The following TBC1D9B variants were observed in gnomAD, a reference collection of about 807,000 sequenced individuals.
TBC1D9B encodes TBC1 domain family, member 9B (with GRAM domain).
Under a neutral mutation model 121.1 loss-of-function variants are expected in TBC1D9B, and 87 were observed. The ratio of observed to expected loss-of-function variants is 0.72; its 90% confidence interval spans 0.60 to 0.86. The LOEUF (loss-of-function observed/expected upper bound fraction) is 0.86, where lower values mean the gene tolerates loss of function less well. Ranked by LOEUF, TBC1D9B falls within the 40% of genes least tolerant of loss-of-function variation. TBC1D9B has a pLI of 0.00. For synonymous variants in TBC1D9B, 668 were observed against 670.1 expected (o/e 1.00, Z 0.05); for missense variants, 1,540 against 1,628.6 (o/e 0.95, Z 0.94).
rs1253779887 is a variant in TBC1D9B, at chr5:179,874,774, C to T, written c.2186+128G>A. 7 of 1,371,566 alleles carry T rather than the reference C, an allele frequency of 5.1e-6. No homozygotes were observed. In the African/African-American group the frequency reaches 8.7e-5, roughly 17 times the overall value. 85.0% of individuals were successfully genotyped at this position (1,371,566 alleles called of 1,614,324 possible). A position where few individuals can be genotyped will look rare whatever the true frequency, so the allele number is the denominator to read the frequency against. ...AAGGAGCCGCCTCCTGACCCCAGAG[C>T]ACCCCCGGGTCCAGCTGCAGCCTGG... On this transcript the variant is annotated intron_variant, in intron 12 of 20. Transcript: ENST00000355235. The surrounding 1 kb of genome is among the most constrained non-coding windows in gnomAD (Gnocchi z 4.3).
rs1452624156 is a variant in TBC1D9B, at chr5:179,907,391, C to T, written c.118+313G>A. Among the ~76,000 whole-genome samples the T allele has an allele frequency of 6.6e-6, 1 of 151,884 alleles. No individual in the cohort carries two copies. The highest frequency in any genetic ancestry group is 6.5e-5 in the Admixed American group (1 of 15,268). On this transcript the variant is annotated intron_variant, in intron 1 of 20. Transcript: ENST00000355235. The surrounding 1 kb of genome is among the most constrained non-coding windows in gnomAD (Gnocchi z 5.3). ...GTGAGATCCCGGGAAGCTGCACGGC[C>T]CCCGGGGCTCGCGGGCGCCGAATCC...
chr5:179,906,901 C>G (rs1406987519), intron 1 of TBC1D9B, among the ~76,000 whole-genome samples: 1 of 152,258 alleles, frequency 6.6e-6, no homozygotes, highest in African/African-American at 2.4e-5. Flanking sequence ...AGGCACTGAG[C>G]CCGAGCCAGC....
In TBC1D9B at chr5:179,896,062, C is replaced by T. The variant is rs141130157; in HGVS notation, c.349-1448G>A. Among the ~76,000 whole-genome samples, 5 of 144,200 alleles carry T rather than the reference C, an allele frequency of 3.5e-5. No individual in the cohort carries two copies. In the East Asian group the frequency reaches 1.2e-3, roughly 34 times the overall value. 94.6% of individuals were successfully genotyped at this position (144,200 alleles called of 152,430 possible). ...CATCTGCAAACAAACCTTACTCCAT[C>T]GGTTTCATCCCACGTATTTATCTTC... On this transcript the variant is annotated intron_variant, in intron 3 of 20. Coordinates refer to ENST00000355235, the MANE Select transcript of TBC1D9B (RefSeq NM_015043.4).
intron 7 of TBC1D9B, among the ~76,000 whole-genome samples, chr5:179,883,217 G>A (rs1243661050): frequency 1.3e-5 from 2 of 152,076 alleles, no homozygotes; most frequent in Admixed American, 6.6e-5. Context: ...TGTCAATATC[G>A]ACTATTTTGT....
chr5:179,882,624 A>G (rs1760572404), intron 7 of TBC1D9B, among the ~76,000 whole-genome samples: 1 of 152,100 alleles, frequency 6.6e-6, no homozygotes, highest in Non-Finnish European at 1.5e-5. Context: ...CAGGTGGATC[A>G]CCCTAGGTCA....
chr5:179,907,652 C>T lies in TBC1D9B; in HGVS notation c.118+52G>A, dbSNP rs1761363116. 13 of 934,268 alleles carry T rather than the reference C, an allele frequency of 1.4e-5. 1 individual carries two copies. In the South Asian group the frequency reaches 5.2e-4, roughly 37 times the overall value. The allele number at this position is 934,268 out of a possible 1,614,324, so 57.9% of individuals were successfully genotyped here. On this transcript the variant is annotated intron_variant, in intron 1 of 20. Coordinates refer to ENST00000355235, the MANE Select transcript of TBC1D9B (RefSeq NM_015043.4). This position sits in a 1 kb window ranked among gnomAD's most constrained non-coding sequence, Gnocchi z 5.3. ...CGCCCGCCGCCCGCCGCCAGCCCCG[C>T]CGCCAGCCCAGCCGCGGCGCCCACA...
chr5:179,895,449 C>G (rs992633388), intron 3 of TBC1D9B, among the ~76,000 whole-genome samples: 3 of 152,200 alleles, frequency 2.0e-5, no homozygotes, highest in Non-Finnish European at 4.4e-5. Flanking sequence ...ACGTCCTGCA[C>G]TTGGCCCCCT....
Position 179,865,792 on chromosome 5 carries a change from C to T in TBC1D9B, c.2914+46G>A. 2 of 1,546,996 alleles carry T rather than the reference C, an allele frequency of 1.3e-6. No individual in the cohort carries two copies. The highest frequency in any genetic ancestry group is 1.4e-5 in the African/African-American group (1 of 72,942). ...GGAAAAGACCAGCAAGCAAGGGTGCCTCAACGCTGGGGTCTCTAAGAACAG... is the reference window on the plus strand; with the variant it reads ...GGAAAAGACCAGCAAGCAAGGGTGCTTCAACGCTGGGGTCTCTAAGAACAG... On this transcript the variant is annotated intron_variant, in intron 19 of 20. Coordinates refer to ENST00000355235, the MANE Select transcript of TBC1D9B (RefSeq NM_015043.4). The surrounding 1 kb of genome is among the most constrained non-coding windows in gnomAD (Gnocchi z 5.1).
chr5:179,878,211 C>T (rs1482809292), intron 10 of TBC1D9B, 98 bp downstream of exon 10: 1 of 1,305,426 alleles, frequency 7.7e-7, no homozygotes, highest in Non-Finnish European at 1.0e-6. Context: ...CCTTGGGACA[C>T]AAGGCAGGGT....
rs74332464 is a variant in TBC1D9B, at chr5:179,873,349, C to T, written c.2187-101G>A. 3.3e-3 allele frequency: 4,741 copies of T among 1,440,250 alleles called. 135 individuals are homozygous for T. The African/African-American group carries it at 0.061, about 19-fold the overall frequency. The allele number at this position is 1,440,250 out of a possible 1,614,324, so 89.2% of individuals were successfully genotyped here. A position where few individuals can be genotyped will look rare whatever the true frequency, so the allele number is the denominator to read the frequency against. On this transcript the variant is annotated intron_variant, in intron 12 of 20. Transcript: ENST00000355235. ...GAGGGACCCAATCTTTATGCAGACTCCTAATAAGGAGTGTGCAGAGGACTG... is the reference window on the plus strand; with the variant it reads ...GAGGGACCCAATCTTTATGCAGACTTCTAATAAGGAGTGTGCAGAGGACTG...
At chr5:179,901,179 A>C (rs1370597704) in intron 2 of TBC1D9B, among the ~76,000 whole-genome samples, 1 of 152,220 alleles carries the variant, frequency 6.6e-6, no homozygotes, top group Non-Finnish European at 1.5e-5. Context: ...AGTGAGTCAC[A>C]AAAGGCCCCC....
chr5:179,893,517 G>C, intron 4 of TBC1D9B, 50 bp from the exon 5 acceptor site: 1 of 1,549,688 alleles, frequency 6.5e-7, no homozygotes, highest in Non-Finnish European at 8.7e-7. Context: ...GGCAGGGCGA[G>C]GCTCCTGATG....
chr5:179,891,521 C>T lies in TBC1D9B; in HGVS notation c.902G>A (p.Arg301Gln), dbSNP rs369773708. 4.3e-6 allele frequency: 7 copies of T among 1,613,942 alleles called. No homozygotes were observed. In the African/African-American group the frequency reaches 5.3e-5, roughly 12 times the overall value. The change falls in exon 6 of 21, where the codon CGG becomes CAG. Residue 301 changes from arginine (R) to glutamine (Q), a missense_variant. Arg to Gln is a conservative substitution (Grantham distance 43). Coordinates refer to ENST00000355235, the MANE Select transcript of TBC1D9B (RefSeq NM_015043.4). This position sits in a 1 kb window ranked among gnomAD's most constrained non-coding sequence, Gnocchi z 4.3. ...RATFRLPRDERLDGHTSCTLW... is the reference protein window; with the variant it reads ...RATFRLPRDEQLDGHTSCTLW... ...GGTGCAGCTTGTGTGGCCGTCTAGC[C>T]GCTCATCCCTGGGCAGCCGGAACGT...
chr5:179,862,528 C>T lies in TBC1D9B; in HGVS notation c.*920G>A, dbSNP rs977614255. 15 of 455,776 alleles carry T rather than the reference C, an allele frequency of 3.3e-5. No individual in the cohort carries two copies. The highest frequency in any genetic ancestry group is 2.6e-4 in the African/African-American group (13 of 50,082). The allele number at this position is 455,776 out of a possible 1,614,324, so 28.2% of individuals were successfully genotyped here. ...AGACCTGTGGAGCTCAGGGCATCCC[C>T]TGATGCAGGTTGGTCAGGACCTGCC... On this transcript the variant is annotated 3_prime_UTR_variant, in exon 21 of 21. Coordinates refer to ENST00000355235, the MANE Select transcript of TBC1D9B (RefSeq NM_015043.4).
intron 7 of TBC1D9B, among the ~76,000 whole-genome samples, chr5:179,881,654 T>C (rs1760542535): frequency 6.6e-6 from 1 of 152,254 alleles, no homozygotes; most frequent in Admixed American, 6.5e-5. Context: ...ACAAAATTTC[T>C]TGAAAGAGAT....
Position 179,904,881 on chromosome 5 carries a change from T to C in TBC1D9B, c.119-69A>G. On this transcript the variant is annotated intron_variant, in intron 1 of 20. Coordinates refer to ENST00000355235, the MANE Select transcript of TBC1D9B (RefSeq NM_015043.4). This position sits in a 1 kb window ranked among gnomAD's most constrained non-coding sequence, Gnocchi z 4.2. ...GACTGAGGCCCCTGAAGGCTGAGTC[T>C]GGCCGGAGGCAGACAGGATGGTGAC... The C allele has an allele frequency of 7.9e-7, 1 of 1,265,888 alleles. No homozygotes were observed. Among genetic ancestry groups the C allele is most frequent in the Non-Finnish European group, 1.1e-6 (1 of 915,116 alleles). The allele number at this position is 1,265,888 out of a possible 1,614,324, so 78.4% of individuals were successfully genotyped here.
In TBC1D9B at chr5:179,873,229, T is replaced by G. The variant is rs1219190573; in HGVS notation, c.2206A>C (p.Asn736His). ...ATAGGAGGAGAGACACTCTGCTTGT[T>G]GACCACATTATCCAGGTATCTGCAA... ...MLGRYLDNVV[N>H]KQSVSPPIPH... The change falls in exon 13 of 21, where the codon AAC (asparagine) becomes CAC (histidine). Residue 736 changes from asparagine (N) to histidine (H), a missense_variant. Transcript: ENST00000355235. 6.2e-7 allele frequency: 1 copy of G among 1,611,108 alleles called. No individual in the cohort carries two copies. The highest frequency in any genetic ancestry group is 1.3e-5 in the African/African-American group (1 of 74,916).
Position 179,874,764 on chromosome 5 carries a change from G to T in TBC1D9B, c.2186+138C>A. 7.8e-7 allele frequency: 1 copy of T among 1,284,016 alleles called. No individual in the cohort carries two copies. The allele number at this position is 1,284,016 out of a possible 1,614,324, so 79.5% of individuals were successfully genotyped here. A position where few individuals can be genotyped will look rare whatever the true frequency, so the allele number is the denominator to read the frequency against. Reference sequence around the variant, plus strand: ...TCCCACTAGAAAGGAGCCGCCTCCTGACCCCAGAGCACCCCCGGGTCCAGC... The same window carrying T: ...TCCCACTAGAAAGGAGCCGCCTCCTTACCCCAGAGCACCCCCGGGTCCAGC... On this transcript the variant is annotated intron_variant, in intron 12 of 20. Coordinates refer to ENST00000355235, the MANE Select transcript of TBC1D9B (RefSeq NM_015043.4). The surrounding 1 kb of genome is among the most constrained non-coding windows in gnomAD (Gnocchi z 4.3).
chr5:179,865,286 CCTT>C lies in TBC1D9B; in HGVS notation c.2986_2988del (p.Lys996del). 1 of 1,614,156 alleles carries C rather than the reference CCTT, an allele frequency of 6.2e-7. No individual in the cohort carries two copies. Among genetic ancestry groups the C allele is most frequent in the African/African-American group, 1.3e-5 (1 of 75,042 alleles). ...ATCTTGGGAAGATCCTTAATCGTCTCCTTCTGAGCCTCTTTCTCCTTGGCCCAC... is the reference window on the plus strand; with the variant it reads ...ATCTTGGGAAGATCCTTAATCGTCTCCTGAGCCTCTTTCTCCTTGGCCCAC... On this transcript the variant is annotated inframe_deletion, in exon 20 of 21. Coordinates refer to ENST00000355235, the MANE Select transcript of TBC1D9B (RefSeq NM_015043.4). The surrounding 1 kb of genome is among the most constrained non-coding windows in gnomAD (Gnocchi z 5.1).
Sources: allele counts gnomAD v4.1 joint callset (sites outside exome capture counted in the v4.1 genomes callset), GRCh38; gene constraint gnomAD v4.1.1; non-coding constraint Gnocchi (gnomAD v3.1); transcripts MANE v1.5; gene names NCBI Gene and HGNC (gene_info 2026-07-23, HGNC 2026-07-21).